The following MYO5B variants were observed in gnomAD, a reference collection of about 807,000 sequenced individuals.
MYO5B encodes unconventional myosin-Vb.
Under a neutral mutation model 229.3 loss-of-function variants are expected in MYO5B, and 143 were observed. The ratio of observed to expected loss-of-function variants is 0.62; its 90% CI spans 0.54 to 0.72. MYO5B has a LOEUF of 0.72. MYO5B is among the 30% of genes least tolerant of loss of function. The probability of loss-of-function intolerance (pLI) is 0.00; values close to 1 mark genes in which losing one functional copy is unlikely to be tolerated. For synonymous variants in MYO5B, 918 were observed against 885.2 expected, an observed-to-expected ratio of 1.04 and a Z score of -0.66; for missense variants, 2,321 against 2,331.0, an observed-to-expected ratio of 1.00 and a Z score of 0.09.
intron 14 of MYO5B, among the ~76,000 whole-genome samples, chr18:49,952,405 C>T (rs1211479875): frequency 1.3e-5 from 2 of 148,948 alleles, no homozygotes; most frequent in Non-Finnish European, 3.0e-5. Flanking sequence ...GCATCAGAGT[C>T]GGCTTTTAGA....
chr18:50,143,512 G>A (rs998395576), intron 1 of MYO5B, among the ~76,000 whole-genome samples: 2 of 152,140 alleles, frequency 1.3e-5, no homozygotes, highest in Non-Finnish European at 1.5e-5. Context: ...CCACAGGATG[G>A]GGCATTAGAG....
At chr18:49,836,328 T>C (rs1207286994) in intron 38 of MYO5B, among the ~76,000 whole-genome samples, 1 of 152,192 alleles carries the variant, frequency 6.6e-6, no homozygotes, top group Non-Finnish European at 1.5e-5. Flanking sequence ...ACAGTTATAT[T>C]TGTAAAGAAA....
chr18:50,033,544 A>G (rs1027550735), intron 4 of MYO5B, among the ~76,000 whole-genome samples: 4 of 152,206 alleles, frequency 2.6e-5, no homozygotes, highest in Non-Finnish European at 5.9e-5. Flanking sequence ...AGCCTATCAA[A>G]TAACTGATAC....
At chr18:50,011,239 G>A (rs763094932) in intron 4 of MYO5B, among the ~76,000 whole-genome samples, 6 of 152,168 alleles carry the variant, frequency 3.9e-5, no homozygotes, top group Non-Finnish European at 7.3e-5. Context: ...CTACTCGGGA[G>A]GCTGAGGTGG....
chr18:50,107,861 G>C (rs1288465007), intron 1 of MYO5B, among the ~76,000 whole-genome samples: 1 of 152,138 alleles, frequency 6.6e-6, no homozygotes, highest in African/African-American at 2.4e-5. Context: ...ACCACACCCT[G>C]AAGTCCCCAA....
intron 39 of MYO5B, among the ~76,000 whole-genome samples, chr18:49,826,989 G>A (rs564245565): frequency 2.8e-4 from 42 of 152,068 alleles, no homozygotes; most frequent in Admixed American, 3.9e-4. Context: ...TCTAATCCTG[G>A]CACCACCCTG....
At chr18:50,028,139 A>T (rs1324418106) in intron 4 of MYO5B, among the ~76,000 whole-genome samples, 1 of 152,220 alleles carries the variant, frequency 6.6e-6, no homozygotes, top group African/African-American at 2.4e-5. Flanking sequence ...TTGTATGTGC[A>T]ATTTAATGTG....
chr18:50,022,260 A>G (rs1002094764), intron 4 of MYO5B, among the ~76,000 whole-genome samples: 1 of 152,230 alleles, frequency 6.6e-6, no homozygotes, highest in African/African-American at 2.4e-5. Context: ...GCCTTAGGGA[A>G]GATGTATAAC....
At chr18:50,147,975 G>T (rs1352227904) in intron 1 of MYO5B, among the ~76,000 whole-genome samples, 1 of 151,612 alleles carries the variant, frequency 6.6e-6, no homozygotes, top group African/African-American at 2.4e-5. Flanking sequence ...GAATCAAATA[G>T]ACACAATAAA....
Position 49,845,175 on chromosome 18 carries a change from G to A in MYO5B, c.4460-1783C>T, listed in dbSNP as rs1481526171. ...TTTATTGAAAGTTTCATTCACCAGAGATGAAAGGTTTGTTCCTAATTGCAT... is the reference window on the plus strand; with the variant it reads ...TTTATTGAAAGTTTCATTCACCAGAAATGAAAGGTTTGTTCCTAATTGCAT... On this transcript the variant is annotated intron_variant, in intron 33 of 39. Coordinates refer to ENST00000285039, the MANE Select transcript of MYO5B (RefSeq NM_001080467.3). Among the ~76,000 whole-genome samples, 3 of 152,198 alleles carry A rather than the reference G, an allele frequency of 2.0e-5. No individual in the cohort carries two copies. In the East Asian group the frequency reaches 5.8e-4, roughly 29 times the overall value.
intron 1 of MYO5B, among the ~76,000 whole-genome samples, chr18:50,187,375 C>A (rs1281669828): frequency 2.0e-5 from 3 of 152,232 alleles, no homozygotes; most frequent in Admixed American, 1.3e-4. Context: ...ACATTGATAT[C>A]ACTGTCTCCT....
intron 24 of MYO5B, 25 bp downstream of exon 24, chr18:49,878,920 G>C: frequency 6.2e-7 from 1 of 1,613,932 alleles, no homozygotes; most frequent in Non-Finnish European, 8.5e-7. Context: ...CCTGTGCCAT[G>C]GCACAGCAGA....
chr18:49,855,784 C>T (rs1238809150), intron 30 of MYO5B, among the ~76,000 whole-genome samples: 1 of 152,172 alleles, frequency 6.6e-6, no homozygotes, highest in Non-Finnish European at 1.5e-5. Flanking sequence ...AGTAAACTTT[C>T]TTTTTCCAAG....
intron 1 of MYO5B, among the ~76,000 whole-genome samples, chr18:50,165,089 G>A (rs12185316): frequency 0.13 from 19,595 of 152,206 alleles, 1,291 homozygotes; most frequent in East Asian, 0.23. Context: ...GAGAATCAAG[G>A]GTTGACCTGC....
At chr18:50,077,014 T>C (rs1478419180) in intron 1 of MYO5B, among the ~76,000 whole-genome samples, 1 of 151,944 alleles carries the variant, frequency 6.6e-6, no homozygotes, top group Non-Finnish European at 1.5e-5. Flanking sequence ...TTCCTTTTTA[T>C]GCCTGCAAAG....
chr18:49,887,142 A>C (rs2024652502), intron 22 of MYO5B, among the ~76,000 whole-genome samples: 1 of 151,994 alleles, frequency 6.6e-6, no homozygotes, highest in Non-Finnish European at 1.5e-5. Flanking sequence ...TAACCACAGC[A>C]CTCTCAGACT....
At chr18:49,923,522 A>T (rs2025097570) in intron 17 of MYO5B, among the ~76,000 whole-genome samples, 1 of 152,228 alleles carries the variant, frequency 6.6e-6, no homozygotes, top group Admixed American at 6.5e-5. Context: ...GCATGGAGAC[A>T]GCAAGACCAG....
chr18:49,831,889 A>G (rs2023927341), intron 39 of MYO5B, among the ~76,000 whole-genome samples: 4 of 152,236 alleles, frequency 2.6e-5, no homozygotes, highest in Admixed American at 2.6e-4. Context: ...AATGGGATAT[A>G]TAAAGGGAAT....
intron 6 of MYO5B, among the ~76,000 whole-genome samples, chr18:49,991,507 G>A (rs879930124): frequency 4.6e-5 from 7 of 152,150 alleles, no homozygotes; most frequent in Admixed American, 4.6e-4. Flanking sequence ...AGTCAGGATG[G>A]AGGAGGAGAA....
Sources: gnomAD v4.1 joint callset for allele counts (sites outside exome capture counted in the v4.1 genomes callset) on GRCh38, gnomAD v4.1.1 for gene constraint, MANE v1.5 for transcripts, NCBI Gene and HGNC (gene_info 2026-07-23, HGNC 2026-07-21) for gene names.